PPP1R3F: variants seen among roughly 807,000 people sequenced by gnomAD.
The protein encoded by PPP1R3F is protein phosphatase 1 regulatory subunit 3F.
A neutral mutation model predicts 24.2 loss-of-function variants in PPP1R3F; 29 were observed. The observed-to-expected ratio is 1.20, with a 90% CI of 0.89 to 1.63. PPP1R3F has a LOEUF of 1.63. Ranked by LOEUF, PPP1R3F falls within the 40% of genes most tolerant of loss-of-function variation. PPP1R3F has a pLI of 0.00. For missense variants in PPP1R3F, 823 were observed against 729.3 expected (o/e 1.13, Z -1.48); for synonymous variants, 363 against 340.1 (o/e 1.07, Z -0.74).
At chrX:49,289,921 T>C (rs1175323261), downstream of PPP1R3F, among the ~76,000 whole-genome samples, 1 of 110,371 alleles carries the variant, frequency 9.1e-6, no homozygotes, top group African/African-American at 3.3e-5. Context: ...GTATAAAAAT[T>C]AGCCGGGCGT....
In PPP1R3F at chrX:49,270,297, C is replaced by T; in HGVS notation, c.428C>T (p.Pro143Leu). 6 of 1,102,065 alleles carry T rather than the reference C, an allele frequency of 5.4e-6. No individual in the cohort carries two copies. The highest frequency in any genetic ancestry group is 7.1e-6 in the Non-Finnish European group (6 of 850,195). The allele number at this position is 1,102,065 out of a possible 1,213,427, so 90.8% of individuals were successfully genotyped here. ...RVMVELEALL[P>L]PPGAVPGGAG... ...ATGGTGGAGCTGGAGGCGCTGCTGC[C>T]GCCTCCCGGAGCGGTCCCCGGGGGT... Residue 143 changes from proline (P) to leucine (L), a missense_variant, in exon 1 of 4, where the codon CCG becomes CTG. Coordinates refer to ENST00000055335, the MANE Select transcript of PPP1R3F (RefSeq NM_033215.5).
rs782328201 is a variant in PPP1R3F at position 49,270,582 on chromosome X, G to A, written c.713G>A (p.Gly238Asp). Reference sequence around the variant, plus strand: ...TCCGCCTCCTCGCCCGACGACGGCGGCCGCACCGACCGCTTTGCCTTCCAG... The same window carrying A: ...TCCGCCTCCTCGCCCGACGACGGCGACCGCACCGACCGCTTTGCCTTCCAG... ...QASASSPDDG[G>D]RTDRFAFQLP... Residue 238 changes from glycine (G) to aspartate (D), a missense_variant, in exon 1 of 4, where the codon GGC becomes GAC. Transcript: ENST00000055335. 1.7e-6 allele frequency: 2 copies of A among 1,202,897 alleles called. No individual in the cohort carries two copies. Among genetic ancestry groups the A allele is most frequent in the Non-Finnish European group, 2.2e-6 (2 of 893,883 alleles).
chrX:49,270,456 C>T lies in PPP1R3F; in HGVS notation c.587C>T (p.Ala196Val), dbSNP rs782307066. 30 of 1,198,796 alleles carry T rather than the reference C, an allele frequency of 2.5e-5. No individual in the cohort carries two copies. The highest frequency in any genetic ancestry group is 3.4e-5 in the Non-Finnish European group (30 of 893,561). ...DGWASFCDHP[A>V]RYVPRSPPWA... Reference sequence around the variant, plus strand: ...TGGGCTTCCTTTTGCGACCACCCAGCGCGCTACGTCCCGCGCAGCCCGCCG... The same window carrying T: ...TGGGCTTCCTTTTGCGACCACCCAGTGCGCTACGTCCCGCGCAGCCCGCCG... Residue 196 changes from alanine (A) to valine (V), a missense_variant, in exon 1 of 4, where the codon GCG becomes GTG. Transcript: ENST00000055335.
chrX:49,271,903 G>C (rs2066182605), intron 1 of PPP1R3F, among the ~76,000 whole-genome samples: 1 of 112,089 alleles, frequency 8.9e-6, no homozygotes, highest in African/African-American at 3.2e-5. Flanking sequence ...GGCCCCAGAA[G>C]ATTTCCCTAG....
chrX:49,301,281 A>T, intron 3 of PPP1R3F: 1 of 463,514 alleles, frequency 2.2e-6, no homozygotes, highest in African/African-American at 2.5e-5. Flanking sequence ...AGTATGCTTT[A>T]CATGCCTTTA....
At chrX:49,281,607 A>T in intron 2 of PPP1R3F, 146 bp downstream of exon 2, 1 of 450,693 alleles carries the variant, frequency 2.2e-6, no homozygotes, top group Non-Finnish European at 3.8e-6. Context: ...AGGCAGGAGG[A>T]TTGCTTGAGG....
chrX:49,296,960 G>A (rs1557122877), intron 3 of PPP1R3F, among the ~76,000 whole-genome samples: 1 of 110,649 alleles, frequency 9.0e-6, no homozygotes, highest in East Asian at 2.8e-4. Flanking sequence ...TAGAATAAGT[G>A]CGATGTGGTG....
Position 49,269,851 on chromosome X carries a change from T to TGCCGCC in PPP1R3F, c.-8_-3dup, listed in dbSNP as rs1212168690. On this transcript the variant is annotated 5_prime_UTR_variant, in exon 1 of 4. Coordinates refer to ENST00000055335, the MANE Select transcript of PPP1R3F (RefSeq NM_033215.5). Reference sequence around the variant, plus strand: ...CCGGTCCCGCCGCCGGTGCCGTCGGTGCCGCCGCCGCCGCCGATATGGCGC... The same window carrying TGCCGCC: ...CCGGTCCCGCCGCCGGTGCCGTCGGTGCCGCCGCCGCCGCCGCCGCCGATATGGCGC... The TGCCGCC allele has an allele frequency of 3.1e-5, 27 of 879,982 alleles. No individual in the cohort carries two copies. The highest frequency in any genetic ancestry group is 6.0e-5 in the South Asian group (1 of 16,697). The allele number at this position is 879,982 out of a possible 1,213,427, so 72.5% of individuals were successfully genotyped here. A position where few individuals can be genotyped will look rare whatever the true frequency, so the allele number is the denominator to read the frequency against.
At chrX:49,300,851 G>A (rs2066335555) in intron 3 of PPP1R3F, among the ~76,000 whole-genome samples, 1 of 111,567 alleles carries the variant, frequency 9.0e-6, no homozygotes, top group Admixed American at 9.5e-5. Context: ...TGCTCAGGAT[G>A]GGTGTGAGTA....
chrX:49,294,471 C>T (rs915576052), intron 3 of PPP1R3F, among the ~76,000 whole-genome samples: 3 of 109,652 alleles, frequency 2.7e-5, no homozygotes, highest in African/African-American at 6.6e-5. Context: ...CCGCCAACCT[C>T]GGCCTCTCAA....
intron 3 of PPP1R3F, among the ~76,000 whole-genome samples, chrX:49,300,977 G>A (rs1172659654): frequency 4.5e-5 from 5 of 112,000 alleles, no homozygotes; most frequent in African/African-American, 9.7e-5. Context: ...AATGTTACAC[G>A]TAAGTTTCAG....
intron 3 of PPP1R3F, among the ~76,000 whole-genome samples, chrX:49,282,441 CTCTGTGTGTGTG>C (rs1482667041): frequency 5.5e-5 from 3 of 54,820 alleles, no homozygotes; most frequent in African/African-American, 6.9e-5. Context: ...GGGTGAGAGA[CTCTGTGTGTGTG>C]TGTGTGTGTG....
At chrX:49,277,471 G>C (rs1312186979) in intron 1 of PPP1R3F, among the ~76,000 whole-genome samples, 1 of 112,628 alleles carries the variant, frequency 8.9e-6, no homozygotes, top group Non-Finnish European at 1.9e-5. Context: ...CGTGGTACTT[G>C]TGGGGCTGGT....
rs781905728 is a variant in PPP1R3F, at chrX:49,287,040, G to C, written c.2350G>C (p.Val784Leu). 19 of 1,211,881 alleles carry C rather than the reference G, an allele frequency of 1.6e-5. No homozygotes were observed. The highest frequency in any genetic ancestry group is 2.0e-5 in the Non-Finnish European group (18 of 895,644). ...GGTCCCTGTGGCTCTGAACAGCGGT[G>C]TGTCCCTCCTGGTGCTTGCGCTGTG... The part of the protein sequence containing the change: ...VVVPVALNSG[V>L]SLLVLALCLS... The change falls in exon 4 of 4, where the codon GTG (valine) becomes CTG (leucine). Residue 784 changes from valine to leucine, a missense_variant. Val to Leu is a conservative substitution (Grantham distance 32). Transcript: ENST00000055335.
intron 1 of PPP1R3F, among the ~76,000 whole-genome samples, chrX:49,279,974 G>A (rs1274585899): frequency 1.8e-5 from 2 of 112,228 alleles, no homozygotes; most frequent in Non-Finnish European, 3.8e-5. Context: ...ATCTACAGTT[G>A]ATTCAATCCC....
At chrX:49,283,263 GT>G (rs139113296) in intron 3 of PPP1R3F, among the ~76,000 whole-genome samples, 12 of 102,108 alleles carry the variant, frequency 1.2e-4, no homozygotes, top group Admixed American at 2.1e-4. Flanking sequence ...ACTCTTTTTT[GT>G]TTTTTTTTTT....
chrX:49,280,224 A>G (rs905382525), intron 1 of PPP1R3F, among the ~76,000 whole-genome samples: 12 of 100,626 alleles, frequency 1.2e-4, no homozygotes, highest in Non-Finnish European at 2.1e-4. Context: ...GCCATTTCTT[A>G]GAAAAGGTGT....
At position 49,301,337 on chromosome X, in the gene PPP1R3F, T is replaced by C. The variant is rs782455356; in HGVS notation, c.393-14T>C. 1.2e-5 allele frequency: 7 copies of C among 590,158 alleles called. No individual in the cohort carries two copies. The East Asian group carries it at 3.4e-4, about 28-fold the overall frequency. 48.6% of individuals were successfully genotyped at this position (590,158 alleles called of 1,213,427 possible). A position where few individuals can be genotyped will look rare whatever the true frequency, so the allele number is the denominator to read the frequency against. On this transcript the variant is annotated splice_polypyrimidine_tract_variant and intron_variant, in intron 3 of 3. Transcript: ENST00000471261. ...TGTTAAGTAATGTTCCCAGTTGTTA[T>C]GTTTCTGTTACAGGTGAAAAGCAAT...
intron 1 of PPP1R3F, among the ~76,000 whole-genome samples, chrX:49,277,803 A>G (rs1265750890): frequency 8.9e-6 from 1 of 112,276 alleles, no homozygotes; most frequent in Non-Finnish European, 1.9e-5. Flanking sequence ...GTAGAGATGC[A>G]GTTCCTTGAG....
Sources: allele counts gnomAD v4.1 joint callset (sites outside exome capture counted in the v4.1 genomes callset), GRCh38; gene constraint gnomAD v4.1.1; transcripts MANE v1.5; gene names NCBI Gene and HGNC (gene_info 2026-07-23, HGNC 2026-07-21).